Variants in DNAJC5B observed in about 807,000 individuals in gnomAD.
DNAJC5B encodes dnaJ homolog subfamily C member 5B.
Under a neutral mutation model 24.7 loss-of-function variants are expected in DNAJC5B, and 23 were observed. That is an observed-to-expected ratio of 0.93 (90% CI 0.67 to 1.32). DNAJC5B has a LOEUF of 1.32. Among genes scored for constraint, DNAJC5B ranks in the 40% most tolerant of loss-of-function variants. The probability of loss-of-function intolerance (pLI) is 0.00; values close to 1 mark genes in which losing one functional copy is unlikely to be tolerated. For synonymous variants in DNAJC5B, 101 were observed against 90.1 expected (o/e 1.12, Z -0.68); for missense variants, 238 against 240.8 (o/e 0.99, Z 0.08).
chr8:66,052,577 A>G (rs1001046307), intron 3 of DNAJC5B, among the ~76,000 whole-genome samples: 11 of 152,166 alleles, frequency 7.2e-5, no homozygotes, highest in African/African-American at 2.7e-4. Context: ...CTTCTTCTAC[A>G]CCGAAGTCTA....
intron 1 of DNAJC5B, among the ~76,000 whole-genome samples, chr8:66,030,236 G>A (rs1290239851): frequency 6.6e-6 from 1 of 152,118 alleles, no homozygotes; most frequent in Non-Finnish European, 1.5e-5. Flanking sequence ...TTAATGTCTG[G>A]TAGCTCAGAG....
intron 1 of DNAJC5B, among the ~76,000 whole-genome samples, chr8:66,026,142 C>G (rs1806238074): frequency 7.2e-6 from 1 of 139,602 alleles, no homozygotes; most frequent in Non-Finnish European, 1.5e-5. Flanking sequence ...CCTTCACATC[C>G]CTTATAAGTT....
chr8:66,031,192 T>G (rs1156253733), intron 1 of DNAJC5B, among the ~76,000 whole-genome samples: 2 of 152,214 alleles, frequency 1.3e-5, no homozygotes, highest in Non-Finnish European at 2.9e-5. Flanking sequence ...AAGGTAGTTA[T>G]CAATATAAAT....
chr8:66,097,223 A>G (rs1159855342), intron 5 of DNAJC5B, among the ~76,000 whole-genome samples: 1 of 148,886 alleles, frequency 6.7e-6, no homozygotes, highest in East Asian at 1.9e-4. Context: ...TTTCTTTTAA[A>G]TTGTCAGAGT....
intron 2 of DNAJC5B, among the ~76,000 whole-genome samples, chr8:66,047,017 C>T (rs1320514745): frequency 6.6e-6 from 1 of 152,214 alleles, no homozygotes; most frequent in African/African-American, 2.4e-5. Flanking sequence ...CAACAGATTC[C>T]AATTTATTCA....
intron 1 of DNAJC5B, among the ~76,000 whole-genome samples, chr8:66,042,323 T>G (rs1806627578): frequency 6.6e-6 from 1 of 152,212 alleles, no homozygotes; most frequent in African/African-American, 2.4e-5. Flanking sequence ...CTACTTAACT[T>G]TTTGAAACTA....
At chr8:66,062,353 C>T (rs79380502) in intron 3 of DNAJC5B, among the ~76,000 whole-genome samples, 6,173 of 152,120 alleles carry the variant, frequency 0.041, 428 homozygotes, top group African/African-American at 0.14. Flanking sequence ...CATCTGGGAT[C>T]CAGAGCATTT....
At chr8:66,031,950 G>A (rs886509193) in intron 1 of DNAJC5B, among the ~76,000 whole-genome samples, 6 of 152,186 alleles carry the variant, frequency 3.9e-5, no homozygotes, top group Non-Finnish European at 7.3e-5. Context: ...CACCTACTAT[G>A]TCATCAGTTG....
At chr8:66,034,619 G>A (rs979492751) in intron 1 of DNAJC5B, among the ~76,000 whole-genome samples, 6 of 151,780 alleles carry the variant, frequency 4.0e-5, no homozygotes, top group African/African-American at 1.2e-4. Flanking sequence ...GATTTGAGAG[G>A]TGGAGGGCAT....
chr8:66,051,487 G>GGAA (rs1806842687), intron 2 of DNAJC5B, 44 bp from the exon 3 acceptor site: 1 of 1,130,028 alleles, frequency 8.8e-7, no homozygotes, highest in African/African-American at 1.6e-5. Flanking sequence ...TTAGAGAGTG[G>GGAA]GAAGTAGTGT....
rs987915150 is a variant in DNAJC5B, at chr8:66,085,013, CT to C, written c.505+4475del. Among the ~76,000 whole-genome samples the C allele has an allele frequency of 1.9e-4, 28 of 149,748 alleles. No homozygotes were observed. In the South Asian group the frequency reaches 2.3e-3, roughly 12 times the overall value. ...AAGGTGTGAGGTTTAGGTTCAGACT[CT>C]TTTTTTTTTCTTCTTGAATATGGAA... is the stretch of plus-strand genomic sequence containing the variant. On this transcript the variant is annotated intron_variant, in intron 5 of 5. Coordinates refer to ENST00000276570, the MANE Select transcript of DNAJC5B (RefSeq NM_033105.6).
At chr8:66,097,565 C>T (rs2128967466) in intron 5 of DNAJC5B, among the ~76,000 whole-genome samples, 1 of 151,058 alleles carries the variant, frequency 6.6e-6, no homozygotes, top group South Asian at 2.1e-4. Context: ...TTTCTTTTTA[C>T]AGCTCAATTC....
intron 1 of DNAJC5B, among the ~76,000 whole-genome samples, chr8:66,028,253 T>G (rs916713655): frequency 6.6e-6 from 1 of 152,142 alleles, no homozygotes; most frequent in African/African-American, 2.4e-5. Flanking sequence ...ACCGCTCTTC[T>G]CTTACTCACC....
intron 5 of DNAJC5B, among the ~76,000 whole-genome samples, chr8:66,081,124 C>T (rs1807587513): frequency 6.6e-6 from 1 of 152,112 alleles, no homozygotes; most frequent in Non-Finnish European, 1.5e-5. Context: ...GCTAACCCAC[C>T]TCCGTGTGTC....
At chr8:66,095,533 TTTA>T (rs1338251728) in intron 5 of DNAJC5B, among the ~76,000 whole-genome samples, 1 of 151,806 alleles carries the variant, frequency 6.6e-6, no homozygotes, top group Non-Finnish European at 1.5e-5. Flanking sequence ...TATTTCTCAG[TTTA>T]TTTTGTTCAT....
intron 3 of DNAJC5B, among the ~76,000 whole-genome samples, chr8:66,075,335 C>A (rs1807437478): frequency 6.6e-6 from 1 of 152,028 alleles, no homozygotes; most frequent in African/African-American, 2.4e-5. Flanking sequence ...AATAACAGCC[C>A]TTTCATTTGA....
intron 5 of DNAJC5B, among the ~76,000 whole-genome samples, chr8:66,089,122 C>T (rs1807792083): frequency 6.6e-6 from 1 of 152,106 alleles, no homozygotes; most frequent in Non-Finnish European, 1.5e-5. Flanking sequence ...GCTGGGGAGG[C>T]CTCAGGAAAT....
Position 66,051,628 on chromosome 8 carries a change from T to A in DNAJC5B, c.81T>A (p.His27Gln). Residue 27 changes from histidine to glutamine, a missense_variant, in exon 3 of 6, where the codon CAT (histidine) becomes CAA (glutamine). Coordinates refer to ENST00000276570, the MANE Select transcript of DNAJC5B (RefSeq NM_033105.6). Reference sequence around the variant, plus strand: ...CTCTATACGAAATTCTTGGTCTGCATAAGGGAGCATCAAATGAAGAAATTA... The same window carrying A: ...CTCTATACGAAATTCTTGGTCTGCAAAAGGGAGCATCAAATGAAGAAATTA... ...GEALYEILGL[H>Q]KGASNEEIKK... 1 of 1,613,420 alleles carries A rather than the reference T, an allele frequency of 6.2e-7. No homozygotes were observed. The highest frequency in any genetic ancestry group is 8.5e-7 in the Non-Finnish European group (1 of 1,179,844).
intron 1 of DNAJC5B, among the ~76,000 whole-genome samples, chr8:66,034,254 A>T (rs1373502281): frequency 6.7e-6 from 1 of 149,218 alleles, no homozygotes; most frequent in East Asian, 2.0e-4. Flanking sequence ...GGGAATGCTG[A>T]GGAGTGGTGG....
Sources: allele counts gnomAD v4.1 joint callset (sites outside exome capture counted in the v4.1 genomes callset), GRCh38; gene constraint gnomAD v4.1.1; transcripts MANE v1.5; gene names NCBI Gene and HGNC (gene_info 2026-07-23, HGNC 2026-07-21).